Variants in DCC observed in about 807,000 individuals in gnomAD.
The protein encoded by DCC is DCC netrin 1 receptor.
DCC carries 58 observed loss-of-function variants against 172.5 expected under a neutral mutation model. That is an observed-to-expected ratio of 0.34 (90% CI 0.27 to 0.42). The LOEUF (loss-of-function observed/expected upper bound fraction) is 0.42. Ranked by LOEUF, DCC falls within the 10% of genes least tolerant of loss-of-function variation. The probability of loss-of-function intolerance (pLI) is 1.00; values close to 1 mark genes in which losing one functional copy is unlikely to be tolerated. For missense variants in DCC, 1,740 were observed against 1,791.0 expected (o/e 0.97, Z 0.51); for synonymous variants, 709 against 644.5 (o/e 1.10, Z -1.52).
intron 1 of DCC, among the ~76,000 whole-genome samples, chr18:52,497,184 C>A: frequency 6.8e-6 from 1 of 147,760 alleles, no homozygotes; most frequent in South Asian, 2.2e-4. Flanking sequence ...GCTCTTGAGC[C>A]CAGGAATTTG....
intron 1 of DCC, among the ~76,000 whole-genome samples, chr18:52,610,179 ATATATATATATATATATATATATAT>A (rs2034240899): frequency 2.3e-4 from 2 of 8,754 alleles, no homozygotes; most frequent in African/African-American, 5.8e-4. Context: ...AAAAAAAAAA[ATATATATATATATATATATATATAT>A]ATATATATAT....
intron 9 of DCC, among the ~76,000 whole-genome samples, chr18:53,181,411 CTTT>C (rs201013582): frequency 6.2e-5 from 8 of 128,968 alleles, no homozygotes; most frequent in Non-Finnish European, 8.4e-5. Context: ...AATTTTACTT[CTTT>C]TTTTTTTTTT....
chr18:53,237,491 A>G lies in DCC; in HGVS notation c.1911+21894A>G, dbSNP rs553662583. Among the ~76,000 whole-genome samples the G allele has an allele frequency of 5.9e-5, 9 of 152,268 alleles. No individual in the cohort carries two copies. The East Asian group carries it at 1.2e-3, about 20-fold the overall frequency. On this transcript the variant is annotated intron_variant, in intron 12 of 28. Coordinates refer to ENST00000442544, the MANE Select transcript of DCC (RefSeq NM_005215.4). Reference sequence around the variant, plus strand: ...CGAATTCCTTTCATCTTTGATGGTCACAGCCAATCAGTAGTCATATTGAGT... The same window carrying G: ...CGAATTCCTTTCATCTTTGATGGTCGCAGCCAATCAGTAGTCATATTGAGT...
intron 2 of DCC, among the ~76,000 whole-genome samples, chr18:52,861,684 C>T (rs2039144874): frequency 2.0e-5 from 3 of 152,036 alleles, no homozygotes; most frequent in Admixed American, 1.3e-4. Flanking sequence ...CGTTTAAGTC[C>T]TATGTCAGTT....
At chr18:52,492,072 C>T (rs1221986) in intron 1 of DCC, among the ~76,000 whole-genome samples, 31,314 of 151,896 alleles carry the variant, frequency 0.21, 4,093 homozygotes, top group Non-Finnish European at 0.29. Context: ...AAAGAACCGT[C>T]GTTTACTTCA....
At chr18:52,510,377 C>T (rs1010843532) in intron 1 of DCC, among the ~76,000 whole-genome samples, 1 of 152,176 alleles carries the variant, frequency 6.6e-6, no homozygotes, top group Admixed American at 6.5e-5. Context: ...CTGTAGGATC[C>T]GTGGCAGCCT....
intron 27 of DCC, among the ~76,000 whole-genome samples, chr18:53,502,411 A>G (rs1888103389): frequency 6.6e-6 from 1 of 152,216 alleles, no homozygotes; most frequent in African/African-American, 2.4e-5. Context: ...CATGGTAAAT[A>G]GCATGCTTTT....
chr18:52,868,524 C>T (rs1316102102), intron 2 of DCC, among the ~76,000 whole-genome samples: 2 of 152,224 alleles, frequency 1.3e-5, no homozygotes, highest in East Asian at 3.9e-4. Flanking sequence ...CTGACTCCAT[C>T]TTGCTTCTAG....
chr18:52,340,899 T>G, intron 1 of DCC, 21 bp downstream of exon 1: 1 of 1,560,490 alleles, frequency 6.4e-7, no homozygotes, highest in Non-Finnish European at 8.8e-7. Context: ...CTTTCCTTTC[T>G]TCTCGTCGCA....
intron 2 of DCC, among the ~76,000 whole-genome samples, chr18:52,858,692 C>A (rs900498414): frequency 1.2e-4 from 19 of 152,138 alleles, no homozygotes; most frequent in Admixed American, 1.2e-3. Flanking sequence ...AAGGCAACCC[C>A]ATGGGGGAGT....
At chr18:53,261,592 C>T (rs1385969868) in intron 12 of DCC, among the ~76,000 whole-genome samples, 1 of 152,104 alleles carries the variant, frequency 6.6e-6, no homozygotes, top group Non-Finnish European at 1.5e-5. Flanking sequence ...AGCTGAGAAG[C>T]CAAAGAGAGT....
intron 1 of DCC, among the ~76,000 whole-genome samples, chr18:52,545,602 G>A (rs528749407): frequency 6.6e-5 from 10 of 152,188 alleles, no homozygotes; most frequent in Admixed American, 1.3e-4. Flanking sequence ...CCTTGTACCC[G>A]GATAATAGTA....
Position 52,992,931 on chromosome 18 carries a change from A to T in DCC, c.985+67561A>T, listed in dbSNP as rs1282717264. Among the ~76,000 whole-genome samples the T allele has an allele frequency of 4.0e-5, 6 of 151,858 alleles. No individual in the cohort carries two copies. The South Asian group carries it at 8.3e-4, about 21-fold the overall frequency. On this transcript the variant is annotated intron_variant, in intron 5 of 28. Transcript: ENST00000442544. ...GAGGCAGAGCTTGCAGTGAGCCAAG[A>T]TCACACCACTGCACTACAGCCTGGG...
intron 5 of DCC, among the ~76,000 whole-genome samples, chr18:53,027,315 G>C (rs2041968494): frequency 6.6e-6 from 1 of 152,142 alleles, no homozygotes; most frequent in Admixed American, 6.6e-5. Flanking sequence ...GCTCAGCAAT[G>C]AATAAGCCTC....
chr18:53,449,717 G>C (rs1171895300), intron 22 of DCC, among the ~76,000 whole-genome samples: 4 of 152,130 alleles, frequency 2.6e-5, no homozygotes, highest in Non-Finnish European at 1.5e-5. Flanking sequence ...CTTCCACTCA[G>C]TAGGAAAGCT....
intron 12 of DCC, among the ~76,000 whole-genome samples, chr18:53,302,463 C>T (rs900437723): frequency 6.6e-6 from 1 of 152,174 alleles, no homozygotes; most frequent in African/African-American, 2.4e-5. Context: ...ACAGTATGTA[C>T]TCTTTCGAGT....
chr18:53,085,731 C>T (rs1465306637), intron 7 of DCC, among the ~76,000 whole-genome samples: 1 of 151,600 alleles, frequency 6.6e-6, no homozygotes, highest in Admixed American at 6.6e-5. Context: ...ATCATCACTG[C>T]CATCTCCAAA....
At chr18:53,490,646 C>A (rs2045950912) in intron 26 of DCC, among the ~76,000 whole-genome samples, 1 of 152,170 alleles carries the variant, frequency 6.6e-6, no homozygotes, top group Admixed American at 6.5e-5. Flanking sequence ...GGTTTCTTTG[C>A]TTTCAGAGAT....
intron 14 of DCC, among the ~76,000 whole-genome samples, chr18:53,331,188 C>T (rs956823870): frequency 8.5e-5 from 13 of 152,142 alleles, no homozygotes; most frequent in African/African-American, 3.1e-4. Context: ...GACAGCTTGG[C>T]ATAAGATTTT....
Sources: gnomAD v4.1 joint callset for allele counts (sites outside exome capture counted in the v4.1 genomes callset) on GRCh38, gnomAD v4.1.1 for gene constraint, MANE v1.5 for transcripts, NCBI Gene and HGNC (gene_info 2026-07-23, HGNC 2026-07-21) for gene names.